Variants in MAST4 observed in about 807,000 individuals in gnomAD.
The protein encoded by MAST4 is microtubule-associated serine/threonine-protein kinase 4.
Under a neutral mutation model 162.7 loss-of-function variants are expected in MAST4, and 89 were observed. That is an observed-to-expected ratio of 0.55 (90% CI 0.46 to 0.65). The LOEUF (loss-of-function observed/expected upper bound fraction) is 0.65. Ranked by LOEUF, MAST4 falls within the 30% of genes least tolerant of loss-of-function variation. The pLI is 0.00. For missense variants in MAST4, 3,153 were observed against 3,374.0 expected (o/e 0.93, Z 1.62); for synonymous variants, 1,479 against 1,361.1 (o/e 1.09, Z -1.91).
At chr5:66,761,200 C>T (rs1753833592) in intron 2 of MAST4, among the ~76,000 whole-genome samples, 1 of 152,156 alleles carries the variant, frequency 6.6e-6, no homozygotes, top group Non-Finnish European at 1.5e-5. Flanking sequence ...GCTTATTGGA[C>T]AATTATTTGT....
chr5:66,966,261 A>C (rs1178857804), intron 4 of MAST4, among the ~76,000 whole-genome samples: 1 of 152,182 alleles, frequency 6.6e-6, no homozygotes, highest in Non-Finnish European at 1.5e-5. Context: ...GTTTAGGTAG[A>C]CCTTGTGACC....
At chr5:67,070,005 C>T (rs780542674) in intron 5 of MAST4, among the ~76,000 whole-genome samples, 1 of 150,838 alleles carries the variant, frequency 6.6e-6, no homozygotes, top group Non-Finnish European at 1.5e-5. Context: ...GAAACAAGTT[C>T]CTTAATTGGT....
intron 3 of MAST4, among the ~76,000 whole-genome samples, chr5:66,826,318 A>G (rs1025383167): frequency 6.6e-6 from 1 of 152,006 alleles, no homozygotes; most frequent in Non-Finnish European, 1.5e-5. Flanking sequence ...CTTAGATTTT[A>G]TCTCAAAATA....
At chr5:67,113,387 G>A (rs1766498113) in intron 11 of MAST4, among the ~76,000 whole-genome samples, 1 of 149,808 alleles carries the variant, frequency 6.7e-6, no homozygotes, top group South Asian at 2.1e-4. Flanking sequence ...TCCATCTAGA[G>A]TGTGGTGATC....
At chr5:67,076,063 TG>T (rs1761608845) in intron 5 of MAST4, among the ~76,000 whole-genome samples, 2 of 152,052 alleles carry the variant, frequency 1.3e-5, no homozygotes, top group Non-Finnish European at 2.9e-5. Context: ...GATTGCCCAG[TG>T]GCCTAATCTA....
At chr5:66,714,858 G>C (rs1750720728) in intron 1 of MAST4, among the ~76,000 whole-genome samples, 2 of 152,176 alleles carry the variant, frequency 1.3e-5, no homozygotes, top group Admixed American at 6.5e-5. Context: ...TGGTTTTGCT[G>C]GGCTTGTTTG....
intron 3 of MAST4, among the ~76,000 whole-genome samples, chr5:66,845,654 G>T (rs916069708): frequency 1.3e-5 from 2 of 152,114 alleles, no homozygotes; most frequent in African/African-American, 4.8e-5. Context: ...GGGTCAAATT[G>T]TATTTCTAGT....
chr5:67,098,530 G>A (rs1764690217), intron 7 of MAST4, among the ~76,000 whole-genome samples: 2 of 152,084 alleles, frequency 1.3e-5, no homozygotes, highest in Non-Finnish European at 2.9e-5. Context: ...AAAATATGAA[G>A]TATGTCTATC....
intron 2 of MAST4, among the ~76,000 whole-genome samples, chr5:66,785,916 T>G (rs548136324): frequency 6.6e-6 from 1 of 152,330 alleles, no homozygotes; most frequent in East Asian, 1.9e-4. Context: ...TCACCCAGGC[T>G]GGAGTGCAGT....
intron 4 of MAST4, among the ~76,000 whole-genome samples, chr5:66,989,946 C>T (rs1011992285): frequency 6.6e-6 from 1 of 152,106 alleles, no homozygotes; most frequent in Non-Finnish European, 1.5e-5. Flanking sequence ...TTCTTGATCT[C>T]CACCTTAGGG....
rs180703472 is a variant in MAST4 at position 66,839,951 on chromosome 5, G to A, written c.642+51157G>A. 1.6e-4 allele frequency among the ~76,000 whole-genome samples: 24 copies of A among 151,964 alleles called. No individual in the cohort carries two copies. The East Asian group carries it at 1.7e-3, about 11-fold the overall frequency. ...GTGTGTGTGTGTTCACAAAGCCATT[G>A]CATCATATTGACAATTTTTTTTTTT... On this transcript the variant is annotated intron_variant, in intron 3 of 28. Coordinates refer to ENST00000403625, the MANE Select transcript of MAST4 (RefSeq NM_001164664.2).
At chr5:66,850,135 C>T (rs1759197812) in intron 3 of MAST4, among the ~76,000 whole-genome samples, 1 of 152,124 alleles carries the variant, frequency 6.6e-6, no homozygotes, top group Non-Finnish European at 1.5e-5. Flanking sequence ...AAGTTTAGAG[C>T]TTTTCTGTTA....
chr5:66,651,306 A>T (rs932945101), intron 1 of MAST4, among the ~76,000 whole-genome samples: 1 of 152,078 alleles, frequency 6.6e-6, no homozygotes. Flanking sequence ...GGAATTATAG[A>T]TGCAGATTTT....
chr5:66,726,434 A>G (rs1472066767), intron 1 of MAST4, among the ~76,000 whole-genome samples: 1 of 152,104 alleles, frequency 6.6e-6, no homozygotes, highest in Non-Finnish European at 1.5e-5. Context: ...GGAAATGATA[A>G]GATAGCTGCT....
chr5:66,808,007 C>T (rs1274712793), intron 3 of MAST4, among the ~76,000 whole-genome samples: 1 of 152,224 alleles, frequency 6.6e-6, no homozygotes, highest in African/African-American at 2.4e-5. Context: ...GTCTTCACTG[C>T]ACATGTTTTT....
rs1753955073 is a variant in MAST4, at chr5:67,021,345, TATA to T, written c.675-33058_675-33056del. ...TATCCAAGTGTAAATACAGGCATGC[TATA>T]TAGATTGCAACGTATCCCAATTTAG... is the stretch of plus-strand genomic sequence containing the variant. On this transcript the variant is annotated intron_variant, in intron 4 of 28. Coordinates refer to ENST00000403625, the MANE Select transcript of MAST4 (RefSeq NM_001164664.2). Among the ~76,000 whole-genome samples the T allele has an allele frequency of 2.0e-5, 3 of 152,358 alleles. No individual in the cohort carries two copies. The South Asian group carries it at 6.2e-4, about 32-fold the overall frequency.
At chr5:66,660,826 A>G in intron 1 of MAST4, among the ~76,000 whole-genome samples, 1 of 152,246 alleles carries the variant, frequency 6.6e-6, no homozygotes, top group East Asian at 1.9e-4. Context: ...TCTGTAATTC[A>G]GACTTGTCAG....
chr5:66,993,245 C>T (rs939611272), intron 4 of MAST4, among the ~76,000 whole-genome samples: 9 of 152,206 alleles, frequency 5.9e-5, no homozygotes, highest in African/African-American at 2.2e-4. Context: ...TTGGAAGCAT[C>T]CCTCAGGGCT....
At chr5:66,814,439 G>T (rs1191199888) in intron 3 of MAST4, among the ~76,000 whole-genome samples, 1 of 152,094 alleles carries the variant, frequency 6.6e-6, no homozygotes, top group Non-Finnish European at 1.5e-5. Flanking sequence ...ATATGTAAAA[G>T]AGGCCAGCAG....
Sources: allele counts gnomAD v4.1 joint callset (sites outside exome capture counted in the v4.1 genomes callset), GRCh38; gene constraint gnomAD v4.1.1; transcripts MANE v1.5; gene names NCBI Gene and HGNC (gene_info 2026-07-23, HGNC 2026-07-21).